Variants in QSER1 observed in about 807,000 individuals in gnomAD.
The protein encoded by QSER1 is glutamine and serine rich 1, also known as glutamine and serine-rich protein 1.
A neutral mutation model predicts 158.5 loss-of-function variants in QSER1; 49 were observed. That is an observed-to-expected ratio of 0.31 (90% CI 0.25 to 0.39). The LOEUF (loss-of-function observed/expected upper bound fraction) is 0.39. Among genes scored for constraint, QSER1 ranks in the 10% least tolerant of loss-of-function variants. The pLI is 1.00. For synonymous variants in QSER1, 650 were observed against 715.5 expected (o/e 0.91, Z 1.46); for missense variants, 1,754 against 2,010.3 (o/e 0.87, Z 2.44).
intron 4 of QSER1, among the ~76,000 whole-genome samples, chr11:32,943,445 C>T (rs1387251007): frequency 1.3e-4 from 19 of 151,952 alleles, no homozygotes; most frequent in Admixed American, 1.0e-3. Flanking sequence ...TAGCATGAAG[C>T]GTTGTTGAAT....
intron 1 of QSER1, among the ~76,000 whole-genome samples, chr11:32,912,266 A>AT (rs1851776509): frequency 6.6e-6 from 1 of 152,176 alleles, no homozygotes; most frequent in Non-Finnish European, 1.5e-5. Flanking sequence ...GTTCAGCCTT[A>AT]TGGGTGGCTC....
rs532532548 is a variant in QSER1 at position 32,953,147 on chromosome 11, C to T, written c.4178-710C>T. The stretch of plus-strand genomic sequence containing the variant: ...TGTCTTTCTAGGAATTTATCCATTT[C>T]ATCTTAAGTTATTTAATTTGTTGGC... On this transcript the variant is annotated intron_variant, in intron 4 of 12. Coordinates refer to ENST00000650167, the MANE Select transcript of QSER1 (RefSeq NM_001076786.3). 1.3e-5 allele frequency among the ~76,000 whole-genome samples: 2 copies of T among 151,520 alleles called. 1 individual carries two copies. Among genetic ancestry groups the T allele is most frequent in the South Asian group, 4.2e-4 (2 of 4,808 alleles).
chr11:32,940,359 T>C (rs1220802323), intron 4 of QSER1, among the ~76,000 whole-genome samples: 2 of 152,222 alleles, frequency 1.3e-5, no homozygotes, highest in Admixed American at 6.5e-5. Context: ...TCATGATCCC[T>C]GCTTGGTCAT....
At chr11:32,941,462 A>G (rs1166449706) in intron 4 of QSER1, among the ~76,000 whole-genome samples, 1 of 143,146 alleles carries the variant, frequency 7.0e-6, no homozygotes, top group Non-Finnish European at 1.5e-5. Context: ...GTTCCCACCT[A>G]TGAGTGAGAA....
intron 1 of QSER1, among the ~76,000 whole-genome samples, chr11:32,899,058 G>A (rs1020693956): frequency 6.6e-6 from 1 of 152,300 alleles, no homozygotes; most frequent in Non-Finnish European, 1.5e-5. Context: ...TGTTTTCACA[G>A]AATATTTTAT....
At chr11:32,959,742 A>G (rs1203662128) in intron 8 of QSER1, among the ~76,000 whole-genome samples, 1 of 152,156 alleles carries the variant, frequency 6.6e-6, no homozygotes, top group Non-Finnish European at 1.5e-5. Flanking sequence ...TCAGTGCTGA[A>G]GTCTACTTTA....
At chr11:32,910,952 T>G (rs1282611249) in intron 1 of QSER1, among the ~76,000 whole-genome samples, 1 of 152,204 alleles carries the variant, frequency 6.6e-6, no homozygotes, top group Non-Finnish European at 1.5e-5. Context: ...TGGGAGGAGA[T>G]AGTACAATGT....
At position 32,976,611 on chromosome 11, in the gene QSER1, C is replaced by T. The variant is rs1852982626; in HGVS notation, c.*137C>T. On this transcript the variant is annotated 3_prime_UTR_variant, in exon 13 of 13. Transcript: ENST00000650167. Reference sequence around the variant, plus strand: ...CATGGAACTGTCATTACCACCTCTGCTGAAGGACAGTGGTGCGGCCTTTAG... The same window carrying T: ...CATGGAACTGTCATTACCACCTCTGTTGAAGGACAGTGGTGCGGCCTTTAG... 1 of 930,426 alleles carries T rather than the reference C, an allele frequency of 1.1e-6. No homozygotes were observed. 57.6% of individuals were successfully genotyped at this position (930,426 alleles called of 1,614,324 possible).
chr11:32,952,225 C>T (rs1049247556), intron 4 of QSER1, among the ~76,000 whole-genome samples: 1 of 152,184 alleles, frequency 6.6e-6, no homozygotes, highest in Non-Finnish European at 1.5e-5. Context: ...AAAGCATATA[C>T]AGTTTTCACC....
At chr11:32,953,316 C>T (rs1199536685) in intron 4 of QSER1, among the ~76,000 whole-genome samples, 1 of 150,854 alleles carries the variant, frequency 6.6e-6, no homozygotes, top group African/African-American at 2.4e-5. Flanking sequence ...GGTTGGCCGA[C>T]CCTTCCTTAT....
intron 8 of QSER1, among the ~76,000 whole-genome samples, chr11:32,962,998 A>AT (rs1377284180): frequency 2.6e-5 from 4 of 152,192 alleles, no homozygotes; most frequent in Non-Finnish European, 5.9e-5. Flanking sequence ...ACACAACTGT[A>AT]TGGGTGCTCC....
At chr11:32,907,947 A>G (rs756200602) in intron 1 of QSER1, among the ~76,000 whole-genome samples, 2 of 152,168 alleles carry the variant, frequency 1.3e-5, no homozygotes, top group African/African-American at 4.8e-5. Context: ...CAAAAAATAC[A>G]TAATTAGCTG....
At chr11:32,961,946 T>C (rs1004269423) in intron 8 of QSER1, among the ~76,000 whole-genome samples, 1 of 152,224 alleles carries the variant, frequency 6.6e-6, no homozygotes, top group African/African-American at 2.4e-5. Flanking sequence ...GTAATGAACA[T>C]TGGCATACAA....
At chr11:32,965,988 A>ACACACACACACACACACAC (rs1852739131) in intron 8 of QSER1, among the ~76,000 whole-genome samples, 1 of 33,942 alleles carries the variant, frequency 2.9e-5, no homozygotes, top group African/African-American at 6.8e-5. Flanking sequence ...CACACACACG[A>ACACACACACACACACACAC]ATCACCTAGG....
At chr11:32,975,568 G>T in intron 12 of QSER1, 1 of 1,361,282 alleles carries the variant, frequency 7.3e-7, no homozygotes, top group Non-Finnish European at 9.6e-7. Context: ...AGCTATAATT[G>T]GTAATGTTTT....
chr11:32,907,273 G>A (rs980583627), intron 1 of QSER1, among the ~76,000 whole-genome samples: 2 of 152,144 alleles, frequency 1.3e-5, no homozygotes, highest in Admixed American at 6.6e-5. Flanking sequence ...TGATTCATCT[G>A]AACATATTCT....
At chr11:32,964,535 G>A (rs988863334) in intron 8 of QSER1, among the ~76,000 whole-genome samples, 20 of 151,492 alleles carry the variant, frequency 1.3e-4, no homozygotes, top group Non-Finnish European at 2.9e-4. Flanking sequence ...TCCCCCCTGG[G>A]GTACAGTTAC....
At chr11:32,906,104 GTTT>G (rs374193235) in intron 1 of QSER1, among the ~76,000 whole-genome samples, 4 of 118,436 alleles carry the variant, frequency 3.4e-5, no homozygotes, top group South Asian at 2.9e-4. Context: ...CTATTTTTTA[GTTT>G]TTTTTTTTTT....
At chr11:32,940,010 T>G (rs1027274439) in intron 4 of QSER1, among the ~76,000 whole-genome samples, 2 of 150,554 alleles carry the variant, frequency 1.3e-5, no homozygotes, top group African/African-American at 4.9e-5. Flanking sequence ...TCTCTGCAAC[T>G]GGGACTGCCC....
Sources: allele counts gnomAD v4.1 joint callset (sites outside exome capture counted in the v4.1 genomes callset), GRCh38; gene constraint gnomAD v4.1.1; transcripts MANE v1.5; gene names NCBI Gene and HGNC (gene_info 2026-07-23, HGNC 2026-07-21).